The following RGPD8 variants were observed in gnomAD, a reference collection of about 807,000 sequenced individuals.
The protein encoded by RGPD8 is RANBP2 like and GRIP domain containing 8.
In RGPD8, 15 loss-of-function variants were observed where a neutral mutation model predicts 89.1. The ratio of observed to expected loss-of-function variants is 0.17; its 90% CI spans 0.11 to 0.26. The LOEUF (loss-of-function observed/expected upper bound fraction) is 0.26, where lower values mean the gene tolerates loss of function less well. RGPD8 is among the 10% of genes least tolerant of loss of function. RGPD8 has a pLI of 1.00. For synonymous variants in RGPD8, 62 were observed against 420.9 expected, an observed-to-expected ratio of 0.15 and a Z score of 10.44; for missense variants, 178 against 1,179.6, an observed-to-expected ratio of 0.15 and a Z score of 12.44.
intron 20 of RGPD8, among the ~76,000 whole-genome samples, chr2:112,382,151 A>G (rs1429187258): frequency 2.0e-5 from 3 of 152,264 alleles, no homozygotes; most frequent in Admixed American, 6.5e-5. Context: ...TGAACATCAG[A>G]CTCCTAGTTC....
At chr2:112,409,169 T>C (rs1181721121) in intron 7 of RGPD8, among the ~76,000 whole-genome samples, 1 of 100,042 alleles carries the variant, frequency 1.0e-5, no homozygotes, top group African/African-American at 4.4e-5. Context: ...TCATTAAGCT[T>C]TAAAATAAAC....
At chr2:112,423,804 G>T (rs1253337898) in intron 2 of RGPD8, among the ~76,000 whole-genome samples, 1 of 152,120 alleles carries the variant, frequency 6.6e-6, no homozygotes, top group East Asian at 1.9e-4. Flanking sequence ...CTAGGATAGA[G>T]CCTTACAGCA....
At chr2:112,431,176 T>C (rs965665131) in intron 1 of RGPD8, among the ~76,000 whole-genome samples, 1 of 152,178 alleles carries the variant, frequency 6.6e-6, no homozygotes, top group Admixed American at 6.5e-5. Context: ...GAGGATCGCT[T>C]GAGCTGGGGA....
At chr2:112,416,564 A>T (rs1679426362) in intron 6 of RGPD8, among the ~76,000 whole-genome samples, 1 of 147,884 alleles carries the variant, frequency 6.8e-6, no homozygotes, top group Admixed American at 6.7e-5. Context: ...GCATTCCAAT[A>T]AATATTAACA....
At position 112,433,576 on chromosome 2, in the gene RGPD8, T is replaced by C; in HGVS notation, c.-123A>G. The C allele has an allele frequency of 1.9e-6, 2 of 1,063,298 alleles. No homozygotes were observed. Among genetic ancestry groups the C allele is most frequent in the Non-Finnish European group, 2.7e-6 (2 of 752,376 alleles). The allele number at this position is 1,063,298 out of a possible 1,614,324, so 65.9% of individuals were successfully genotyped here. On this transcript the variant is annotated 5_prime_UTR_variant, in exon 1 of 23. Transcript: ENST00000302558. ...AGCGGCGTAGCCGGCGGAGGCCCAC[T>C]GTGACGAGCGTGCGGCGCCGCCCAC...
At chr2:112,425,756 CA>C (rs942303412) in intron 1 of RGPD8, among the ~76,000 whole-genome samples, 35,973 of 100,304 alleles carry the variant, frequency 0.36, 4,975 homozygotes, top group East Asian at 0.52. Flanking sequence ...GATTCCATCT[CA>C]AAAAAAAAAA....
At chr2:112,416,227 C>T (rs1163979664) in intron 6 of RGPD8, among the ~76,000 whole-genome samples, 2 of 152,226 alleles carry the variant, frequency 1.3e-5, no homozygotes, top group Non-Finnish European at 2.9e-5. Flanking sequence ...ATAAAACATC[C>T]TACATGTTTT....
intron 7 of RGPD8, among the ~76,000 whole-genome samples, chr2:112,411,300 G>A (rs1188354398): frequency 6.8e-6 from 1 of 147,498 alleles, no homozygotes; most frequent in Non-Finnish European, 1.5e-5. Context: ...AGGCATGGTG[G>A]CTCATGTCTG....
rs544191092 is a variant in RGPD8, at chr2:112,376,543, T to C, written c.5263+1510A>G. Among the ~76,000 whole-genome samples the C allele has an allele frequency of 5.2e-5, 6 of 115,300 alleles. 2 individuals are homozygous for C. In the East Asian group the frequency reaches 1.6e-3, roughly 30 times the overall value. 75.6% of individuals were successfully genotyped at this position (115,300 alleles called of 152,430 possible). On this transcript the variant is annotated intron_variant, in intron 22 of 22. Coordinates refer to ENST00000302558, the MANE Select transcript of RGPD8 (RefSeq NM_001164463.1). Reference sequence around the variant, plus strand: ...AAAAAAACAACAAAATGACTGGGCGTGGTGGCTCACACCTGTAATCCCAGC... The same window carrying C: ...AAAAAAACAACAAAATGACTGGGCGCGGTGGCTCACACCTGTAATCCCAGC...
intron 22 of RGPD8, among the ~76,000 whole-genome samples, chr2:112,374,809 C>T (rs1481732940): frequency 7.6e-5 from 11 of 144,364 alleles, no homozygotes; most frequent in Non-Finnish European, 1.4e-4. Flanking sequence ...TTGTTTCTCC[C>T]ATGCTGAATT....
chr2:112,414,133 C>G (rs1679291093), intron 6 of RGPD8, among the ~76,000 whole-genome samples: 2 of 147,954 alleles, frequency 1.4e-5, no homozygotes, highest in South Asian at 4.2e-4. Flanking sequence ...AACAATGACA[C>G]TTTTCTGACT....
At position 112,422,750 on chromosome 2, in the gene RGPD8, A is replaced by G. The variant is rs1311366944; in HGVS notation, c.141-91T>C. On this transcript the variant is annotated intron_variant, in intron 2 of 22. Transcript: ENST00000302558. ...GAATACATCTTAAACCAAAGCAACC[A>G]CTAAACTCGTTTATATTGTTACTCA... The G allele has an allele frequency of 7.4e-4, 411 of 551,970 alleles. 3 individuals are homozygous for G. The African/African-American group carries it at 0.01, about 14-fold the overall frequency. 34.2% of individuals were successfully genotyped at this position (551,970 alleles called of 1,614,324 possible). A position where few individuals can be genotyped will look rare whatever the true frequency, so the allele number is the denominator to read the frequency against.
chr2:112,384,917 T>TA (rs1369326912), intron 20 of RGPD8, among the ~76,000 whole-genome samples: 1 of 136,030 alleles, frequency 7.4e-6, no homozygotes, highest in African/African-American at 2.8e-5. Flanking sequence ...ATCTTGTGTT[T>TA]ACTTAATAGT....
At chr2:112,430,474 A>G (rs1207247301) in intron 1 of RGPD8, among the ~76,000 whole-genome samples, 1 of 152,184 alleles carries the variant, frequency 6.6e-6, no homozygotes. Context: ...CTCTAAGTGT[A>G]AGAGAGGTGG....
chr2:112,432,773 C>A (rs1255421586), intron 1 of RGPD8, among the ~76,000 whole-genome samples: 1 of 152,132 alleles, frequency 6.6e-6, no homozygotes, highest in African/African-American at 2.4e-5. Context: ...GGGAACAAAC[C>A]GGGAGAAAGA....
intron 1 of RGPD8, among the ~76,000 whole-genome samples, chr2:112,432,160 G>A (rs1311328949): frequency 1.3e-5 from 2 of 152,080 alleles, no homozygotes; most frequent in African/African-American, 2.4e-5. Context: ...AAGATTCTGC[G>A]CACATCCACC....
chr2:112,431,164 G>A (rs1680015496), intron 1 of RGPD8, among the ~76,000 whole-genome samples: 1 of 152,174 alleles, frequency 6.6e-6, no homozygotes, highest in Non-Finnish European at 1.5e-5. Flanking sequence ...AGACTGAGGT[G>A]GGAGGATCGC....
intron 1 of RGPD8, among the ~76,000 whole-genome samples, chr2:112,427,792 C>CCAACAAGG (rs1679838602): frequency 6.6e-6 from 1 of 151,900 alleles, no homozygotes; most frequent in Admixed American, 6.6e-5. Context: ...CTGTGGAGTC[C>CCAACAAGG]CAACAAGGGT....
At chr2:112,380,558 C>T (rs1480630761) in intron 21 of RGPD8, among the ~76,000 whole-genome samples, 1 of 143,314 alleles carries the variant, frequency 7.0e-6, no homozygotes, top group Non-Finnish European at 1.5e-5. Context: ...GAGGCTGAGG[C>T]AGGAGAATGG....
Sources: gnomAD v4.1 joint callset for allele counts (sites outside exome capture counted in the v4.1 genomes callset) on GRCh38, gnomAD v4.1.1 for gene constraint, MANE v1.5 for transcripts, NCBI Gene and HGNC (gene_info 2026-07-23, HGNC 2026-07-21) for gene names.